Variants in ANXA10 observed in about 807,000 individuals in gnomAD.
ANXA10 encodes the protein annexin A10.
In ANXA10, 49 loss-of-function variants were observed where a neutral mutation model predicts 53.5. That is an observed-to-expected ratio of 0.92 (90% CI 0.73 to 1.16). ANXA10 has a LOEUF of 1.16. Among genes scored for constraint, ANXA10 ranks in the 50% most tolerant of loss-of-function variants. ANXA10 has a pLI of 0.00. For missense variants in ANXA10, 393 were observed against 394.4 expected (o/e 1.00, Z 0.03); for synonymous variants, 131 against 128.9 (o/e 1.02, Z -0.11).
chr4:168,185,795 A>G (rs1200034483), intron 11 of ANXA10, among the ~76,000 whole-genome samples: 2 of 152,226 alleles, frequency 1.3e-5, no homozygotes, highest in East Asian at 3.9e-4. Context: ...CGTTGTTTTC[A>G]TCTGAAATTT....
At chr4:168,113,037 GA>G (rs975449566) in intron 1 of ANXA10, among the ~76,000 whole-genome samples, 1 of 151,340 alleles carries the variant, frequency 6.6e-6, no homozygotes, top group African/African-American at 2.4e-5. Flanking sequence ...AAAAAAGAAA[GA>G]AAAAAAAGAA....
intron 3 of ANXA10, among the ~76,000 whole-genome samples, chr4:168,153,447 A>C (rs1436818671): frequency 3.4e-5 from 2 of 58,192 alleles, no homozygotes; most frequent in African/African-American, 1.2e-4. Context: ...AAAAACAAAA[A>C]CAAAAACAAA....
Position 168,181,663 on chromosome 4 carries a change from C to CT in ANXA10, c.725-19dup, listed in dbSNP as rs1177894014. 6.3e-7 allele frequency: 1 copy of CT among 1,584,468 alleles called. No homozygotes were observed. The highest frequency in any genetic ancestry group is 1.1e-5 in the South Asian group (1 of 89,890). ...GTTTTCACTCTCAATGTTTCTTCTT[C>CT]TCTCTCTGATTTCTCCTAGTTCTCT... is the stretch of plus-strand genomic sequence containing the variant. On this transcript the variant is annotated intron_variant, in intron 9 of 11. Coordinates refer to ENST00000359299, the MANE Select transcript of ANXA10 (RefSeq NM_007193.5).
chr4:168,184,486 G>A, intron 10 of ANXA10, 73 bp from the exon 11 acceptor site: 1 of 1,543,036 alleles, frequency 6.5e-7, no homozygotes, highest in Non-Finnish European at 8.9e-7. Flanking sequence ...CAGAAAAGGG[G>A]TGTGTCCACT....
At chr4:168,096,605 T>C (rs1730544778) in intron 1 of ANXA10, among the ~76,000 whole-genome samples, 1 of 152,070 alleles carries the variant, frequency 6.6e-6, no homozygotes, top group Non-Finnish European at 1.5e-5. Context: ...AATCTAGCCT[T>C]TCTGCATAGG....
At chr4:168,135,944 G>A (rs1026243279) in intron 2 of ANXA10, among the ~76,000 whole-genome samples, 2 of 152,178 alleles carry the variant, frequency 1.3e-5, no homozygotes, top group Admixed American at 1.3e-4. Flanking sequence ...GGCTGTACAG[G>A]AAGCATGGCT....
intron 3 of ANXA10, among the ~76,000 whole-genome samples, chr4:168,152,936 C>A (rs567839373): frequency 6.6e-6 from 1 of 151,916 alleles, no homozygotes; most frequent in East Asian, 1.9e-4. Context: ...CTCACCCTCA[C>A]GGGCTCAGGT....
chr4:168,184,516 G>A lies in ANXA10; in HGVS notation c.784-43G>A, dbSNP rs371978099. ...TCCACTTGGGACAGACTGACTTTTA[G>A]GATGCTGTCTTCTCATTTCTCCCAC... On this transcript the variant is annotated intron_variant, in intron 10 of 11. Coordinates refer to ENST00000359299, the MANE Select transcript of ANXA10 (RefSeq NM_007193.5). The A allele has an allele frequency of 7.5e-6, 12 of 1,609,068 alleles. No homozygotes were observed. The African/African-American group carries it at 1.6e-4, about 22-fold the overall frequency.
At chr4:168,179,412 G>A (rs888701647) in intron 9 of ANXA10, 100 bp downstream of exon 9, 5 of 794,004 alleles carry the variant, frequency 6.3e-6, no homozygotes, top group Non-Finnish European at 1.0e-5. Context: ...GCTCTTGATC[G>A]AGTCATTTTC....
At chr4:168,155,361 A>C (rs1731590398) in intron 3 of ANXA10, among the ~76,000 whole-genome samples, 1 of 117,604 alleles carries the variant, frequency 8.5e-6, no homozygotes, top group South Asian at 2.3e-4. Flanking sequence ...TATATATTAT[A>C]TAATGTATTA....
At chr4:168,136,362 G>A (rs1351703245) in intron 2 of ANXA10, among the ~76,000 whole-genome samples, 2 of 152,146 alleles carry the variant, frequency 1.3e-5, no homozygotes, top group East Asian at 3.9e-4. Flanking sequence ...TCTCATGTGA[G>A]ACAAGGCAAG....
intron 2 of ANXA10, among the ~76,000 whole-genome samples, chr4:168,135,842 C>T (rs1439309952): frequency 2.6e-5 from 4 of 152,140 alleles, no homozygotes; most frequent in Non-Finnish European, 4.4e-5. Context: ...AAGAAAGACA[C>T]AATATTAGTC....
chr4:168,179,337 C>A (rs1338161623), intron 9 of ANXA10, 25 bp downstream of exon 9: 14 of 1,488,968 alleles, frequency 9.4e-6, no homozygotes, highest in African/African-American at 2.8e-5. Context: ...ATTTGAAGCA[C>A]AACAGACATT....
At chr4:168,124,450 C>A in intron 1 of ANXA10, among the ~76,000 whole-genome samples, 1 of 152,102 alleles carries the variant, frequency 6.6e-6, no homozygotes, top group East Asian at 1.9e-4. Context: ...AGTAAGGAAT[C>A]AGGTCATGAA....
intron 1 of ANXA10, among the ~76,000 whole-genome samples, chr4:168,105,692 C>G (rs537434281): frequency 5.9e-5 from 9 of 152,198 alleles, no homozygotes; most frequent in African/African-American, 2.2e-4. Context: ...GGAATCACCA[C>G]ATTGTTTTCC....
chr4:168,115,498 C>T (rs1375168068), intron 1 of ANXA10, among the ~76,000 whole-genome samples: 1 of 21,600 alleles, frequency 4.6e-5, no homozygotes, highest in East Asian at 1.1e-3. Context: ...AATACACACG[C>T]ACACACACAC....
chr4:168,180,709 A>G (rs539474553), intron 9 of ANXA10, among the ~76,000 whole-genome samples: 37 of 152,328 alleles, frequency 2.4e-4, no homozygotes, highest in African/African-American at 8.7e-4. Flanking sequence ...TAATTACTTA[A>G]ACTACCAGGG....
At chr4:168,141,351 A>G (rs1474718642) in intron 3 of ANXA10, among the ~76,000 whole-genome samples, 9 of 152,198 alleles carry the variant, frequency 5.9e-5, no homozygotes, top group African/African-American at 2.2e-4. Context: ...ACTGACTTAC[A>G]CAGTCTTGAT....
intron 3 of ANXA10, among the ~76,000 whole-genome samples, chr4:168,155,863 ATATATCATATAT>A (rs1731635791): frequency 5.7e-5 from 2 of 35,034 alleles, no homozygotes; most frequent in African/African-American, 2.6e-4. Context: ...ATCATATATG[ATATATCATATAT>A]TATATGTTAT....
Sources: gnomAD v4.1 joint callset for allele counts (sites outside exome capture counted in the v4.1 genomes callset) on GRCh38, gnomAD v4.1.1 for gene constraint, MANE v1.5 for transcripts, NCBI Gene and HGNC (gene_info 2026-07-23, HGNC 2026-07-21) for gene names.